SLC24A2: variants seen among roughly 807,000 people sequenced by gnomAD.
The protein encoded by SLC24A2 is sodium/potassium/calcium exchanger 2.
In SLC24A2, 36 loss-of-function variants were observed where a neutral mutation model predicts 62.0. That is an observed-to-expected ratio of 0.58 (90% CI 0.44 to 0.77). SLC24A2 has a LOEUF of 0.77. Among genes scored for constraint, SLC24A2 ranks in the 30% least tolerant of loss-of-function variants. The pLI is 0.00. For missense variants in SLC24A2, 846 were observed against 817.9 expected (o/e 1.03, Z -0.42); for synonymous variants, 358 against 294.0 (o/e 1.22, Z -2.23).
chr9:20,100,606 A>G, the SLC24A2 span, among the ~76,000 whole-genome samples: 1 of 152,232 alleles, frequency 6.6e-6, no homozygotes, highest in Non-Finnish European at 1.5e-5. Flanking sequence ...TATCTAACAC[A>G]GTGTCTGACA....
At chr9:20,062,486 C>T in the SLC24A2 span, among the ~76,000 whole-genome samples, 2 of 112,866 alleles carry the variant, frequency 1.8e-5, no homozygotes, top group African/African-American at 3.9e-5. Context: ...ATACAAAAAT[C>T]AATTCAAGAT....
chr9:19,554,971 A>G (rs1001975829), intron 7 of SLC24A2, among the ~76,000 whole-genome samples: 2 of 152,168 alleles, frequency 1.3e-5, no homozygotes, highest in African/African-American at 4.8e-5. Flanking sequence ...ATTACATAGG[A>G]AGCAGGAATC....
At chr9:19,639,964 C>T (rs1489250885) in intron 2 of SLC24A2, among the ~76,000 whole-genome samples, 1 of 152,210 alleles carries the variant, frequency 6.6e-6, no homozygotes, top group African/African-American at 2.4e-5. Context: ...ACCATATGCC[C>T]TCTTAAAAAT....
chr9:19,878,518 C>G, the SLC24A2 span, among the ~76,000 whole-genome samples: 168 of 152,204 alleles, frequency 1.1e-3, 2 homozygotes, highest in African/African-American at 3.9e-3. Flanking sequence ...GTGTCCCCAC[C>G]CAAATTTCAT....
chr9:20,075,159 T>C, the SLC24A2 span, among the ~76,000 whole-genome samples: 544 of 152,314 alleles, frequency 3.6e-3, 4 homozygotes, highest in Non-Finnish European at 5.9e-3. Flanking sequence ...AAATAACTCA[T>C]ATTAACTGTT....
At chr9:19,754,833 C>T (rs1019676791) in intron 2 of SLC24A2, among the ~76,000 whole-genome samples, 3 of 152,096 alleles carry the variant, frequency 2.0e-5, no homozygotes, top group African/African-American at 7.2e-5. Context: ...CAGGCAGAAG[C>T]AGCTCTCTTC....
the SLC24A2 span, among the ~76,000 whole-genome samples, chr9:20,227,713 T>C: frequency 3.4e-4 from 51 of 152,236 alleles, no homozygotes; most frequent in African/African-American, 1.2e-3. Context: ...CTATGTTCAA[T>C]AGCCACCTGA....
Position 19,689,930 on chromosome 9 carries a change from C to A in SLC24A2, c.931-67631G>T, listed in dbSNP as rs144459219. On this transcript the variant is annotated intron_variant, in intron 2 of 10. Coordinates refer to ENST00000341998, the MANE Select transcript of SLC24A2 (RefSeq NM_020344.4). ...AGCCCTCTCCAATGTGGGTATGCATCATCCAAACTACTGAGTGCCTGAACA... is the reference window on the plus strand; with the variant it reads ...AGCCCTCTCCAATGTGGGTATGCATAATCCAAACTACTGAGTGCCTGAACA... 3.0e-3 allele frequency among the ~76,000 whole-genome samples: 453 copies of A among 152,220 alleles called. 4 individuals carry two copies. The highest frequency in any genetic ancestry group is 0.01 in the African/African-American group (436 of 41,540).
In SLC24A2 at chr9:19,568,673, G is replaced by T. The variant is rs559012832; in HGVS notation, c.1347+4678C>A. On this transcript the variant is annotated intron_variant, in intron 7 of 10. Coordinates refer to ENST00000341998, the MANE Select transcript of SLC24A2 (RefSeq NM_020344.4). ...GCAGCAGAGCTAGGATTTGAATTCA[G>T]GTGGTCCATCCTCAGAGTCTGTGTG... 1.3e-4 allele frequency among the ~76,000 whole-genome samples: 20 copies of T among 152,320 alleles called. 1 individual carries two copies. In the South Asian group the frequency reaches 4.1e-3, roughly 32 times the overall value.
intron 8 of SLC24A2, among the ~76,000 whole-genome samples, chr9:19,549,214 G>A (rs1186909771): frequency 2.0e-5 from 3 of 152,238 alleles, no homozygotes; most frequent in Non-Finnish European, 4.4e-5. Flanking sequence ...TCAAGAAAAT[G>A]TGAGTAACCT....
At position 19,786,155 on chromosome 9, in the gene SLC24A2, G is replaced by C. The variant is rs1259704689; in HGVS notation, c.712C>G (p.Leu238Val). 1 of 1,614,196 alleles carries C rather than the reference G, an allele frequency of 6.2e-7. No individual in the cohort carries two copies. The highest frequency in any genetic ancestry group is 1.7e-5 in the Admixed American group (1 of 60,030). The change falls in exon 2 of 11, where the codon CTC becomes GTC. Residue 238 changes from leucine to valine, a missense_variant. By Grantham distance (32) the Leu-to-Val change is conservative (BLOSUM62 1). Transcript: ENST00000341998. The surrounding 1 kb of genome is among the most constrained non-coding windows in gnomAD (Gnocchi z 5.0). ...REILNLTWWP[L>V]FRDVSFYIVD... ...ATGTAGAAAGACACATCTCGAAAGAGCGGCCACCATGTCAGGTTTAAGATT... is the reference window on the plus strand; with the variant it reads ...ATGTAGAAAGACACATCTCGAAAGACCGGCCACCATGTCAGGTTTAAGATT...
At chr9:20,078,103 T>A in the SLC24A2 span, among the ~76,000 whole-genome samples, 1 of 152,090 alleles carries the variant, frequency 6.6e-6, no homozygotes, top group Non-Finnish European at 1.5e-5. Context: ...CAGTAGCACT[T>A]GAGAAAAAAA....
the SLC24A2 span, among the ~76,000 whole-genome samples, chr9:20,015,776 T>C: frequency 2.0e-5 from 3 of 152,218 alleles, no homozygotes; most frequent in Non-Finnish European, 4.4e-5. Flanking sequence ...CTGGATGGCA[T>C]CTAGCCCAGT....
At chr9:19,851,123 A>C in the SLC24A2 span, among the ~76,000 whole-genome samples, 1 of 144,730 alleles carries the variant, frequency 6.9e-6, no homozygotes, top group Non-Finnish European at 1.5e-5. Flanking sequence ...TCCTGGGTTC[A>C]AGTAATTCTG....
At chr9:20,253,050 A>G in the SLC24A2 span, among the ~76,000 whole-genome samples, 1 of 152,348 alleles carries the variant, frequency 6.6e-6, no homozygotes, top group African/African-American at 2.4e-5. Flanking sequence ...GAAACAAGGC[A>G]CCCACTTTTG....
chr9:19,963,562 A>G, the SLC24A2 span, among the ~76,000 whole-genome samples: 1 of 152,262 alleles, frequency 6.6e-6, no homozygotes, highest in Non-Finnish European at 1.5e-5. Flanking sequence ...GGTGAAGGAC[A>G]TGAACAGACA....
At chr9:20,096,385 G>A in the SLC24A2 span, among the ~76,000 whole-genome samples, 1 of 152,012 alleles carries the variant, frequency 6.6e-6, no homozygotes, top group Admixed American at 6.5e-5. Context: ...GTCTCCTATA[G>A]GGACACTAAT....
chr9:19,758,894 G>A (rs140029625), intron 2 of SLC24A2, among the ~76,000 whole-genome samples: 11 of 152,180 alleles, frequency 7.2e-5, no homozygotes, highest in Admixed American at 3.3e-4. Context: ...AGGTAAAGTC[G>A]TCTGTTCTCC....
chr9:19,706,144 T>G (rs1204304800), intron 2 of SLC24A2, among the ~76,000 whole-genome samples: 1 of 151,716 alleles, frequency 6.6e-6, no homozygotes, highest in Non-Finnish European at 1.5e-5. Flanking sequence ...ATATTTAGGA[T>G]AGTTAGCTCT....
Sources: allele counts gnomAD v4.1 joint callset (sites outside exome capture counted in the v4.1 genomes callset), GRCh38; gene constraint gnomAD v4.1.1; non-coding constraint Gnocchi (gnomAD v3.1); transcripts MANE v1.5; gene names NCBI Gene and HGNC (gene_info 2026-07-23, HGNC 2026-07-21).